The following LIPG variants were observed in gnomAD, a reference collection of about 807,000 sequenced individuals.
LIPG encodes the protein lipase G, endothelial type, also known as endothelial lipase.
LIPG carries 34 observed loss-of-function variants against 51.8 expected under a neutral mutation model. That is an observed-to-expected ratio of 0.66 (90% CI 0.50 to 0.87). LIPG has a LOEUF of 0.87. Ranked by LOEUF, LIPG falls within the 40% of genes least tolerant of loss-of-function variation. The probability of loss-of-function intolerance (pLI) is 0.00; values close to 1 mark genes in which losing one functional copy is unlikely to be tolerated. For synonymous variants in LIPG, 246 were observed against 246.1 expected, an observed-to-expected ratio of 1.00 and a Z score of 0.00; for missense variants, 580 against 652.7, an observed-to-expected ratio of 0.89 and a Z score of 1.21.
intron 5 of LIPG, among the ~76,000 whole-genome samples, chr18:49,576,996 ACT>A (rs2084726133): frequency 6.6e-6 from 1 of 151,350 alleles, no homozygotes; most frequent in South Asian, 2.1e-4. Context: ...GCATGGATAC[ACT>A]CTATTTTATT....
At chr18:49,561,995 C>A (rs781653827), upstream of LIPG, 7 of 1,404,524 alleles carry the variant, frequency 5.0e-6, no homozygotes, top group South Asian at 5.1e-5. Context: ...ATGCAAATCA[C>A]CATCTGGCGA....
rs201383506 is a variant in LIPG at position 49,583,579 on chromosome 18, C to T, written c.1181C>T (p.Ala394Val). Residue 394 changes from alanine (A) to valine (V), a missense_variant, in exon 8 of 10, where the codon GCC (alanine) becomes GTC (valine). Transcript: ENST00000261292. ...AGAGTGGAGCGGATCGAGCAGAATG[C>T]CACCAACACCTTCCTGGTCTACACC... is the stretch of plus-strand genomic sequence containing the variant. ...LEIVERIEQNATNTFLVYTEE... is the reference protein window; with the variant it reads ...LEIVERIEQNVTNTFLVYTEE... The T allele has an allele frequency of 6.2e-7, 1 of 1,614,056 alleles. No individual in the cohort carries two copies. Among genetic ancestry groups the T allele is most frequent in the Non-Finnish European group, 8.5e-7 (1 of 1,179,992 alleles).
Position 49,590,759 on chromosome 18 carries a change from C to G in LIPG, c.*237C>G. 2 of 594,108 alleles carry G rather than the reference C, an allele frequency of 3.4e-6. No individual in the cohort carries two copies. The highest frequency in any genetic ancestry group is 6.0e-6 in the Non-Finnish European group (2 of 332,068). 36.8% of individuals were successfully genotyped at this position (594,108 alleles called of 1,614,324 possible). ...TCTAACTCCAAACCTCTGTCCACAC[C>G]TCCAGAGCACCAAGTCCAGATTTGT... On this transcript the variant is annotated 3_prime_UTR_variant, in exon 10 of 10. Coordinates refer to ENST00000261292, the MANE Select transcript of LIPG (RefSeq NM_006033.4).
chr18:49,567,400 C>T, intron 2 of LIPG, 42 bp from the exon 3 acceptor site: 1 of 1,591,302 alleles, frequency 6.3e-7, no homozygotes, highest in Non-Finnish European at 8.6e-7. Flanking sequence ...TTTAGGATTT[C>T]TGAAACCAAG....
At chr18:49,588,776 G>C (rs567054948) in intron 9 of LIPG, among the ~76,000 whole-genome samples, 2 of 152,116 alleles carry the variant, frequency 1.3e-5, no homozygotes, top group Non-Finnish European at 2.9e-5. Context: ...ACAGCCACAC[G>C]CCCTCTAAGC....
chr18:49,561,661 A>T (rs896829012), upstream of LIPG: 5 of 1,236,208 alleles, frequency 4.0e-6, no homozygotes, highest in Non-Finnish European at 5.0e-6. Context: ...TCCCAGAGAG[A>T]GTGTGGCTTT....
At chr18:49,584,755 T>C (rs886633622) in intron 8 of LIPG, among the ~76,000 whole-genome samples, 4 of 152,238 alleles carry the variant, frequency 2.6e-5, no homozygotes, top group Admixed American at 2.0e-4. Flanking sequence ...GTGTATGTTT[T>C]TACTTCTCTG....
chr18:49,572,104 G>A (rs969279784), intron 4 of LIPG, among the ~76,000 whole-genome samples: 4 of 152,152 alleles, frequency 2.6e-5, no homozygotes, highest in Non-Finnish European at 5.9e-5. Flanking sequence ...TGGATCACCT[G>A]AGGTCAGGAG....
rs2084705826 is a variant in LIPG, at chr18:49,575,448, T to A, written c.651T>A (p.Asp217Glu). 6.2e-7 allele frequency: 1 copy of A among 1,614,202 alleles called. No individual in the cohort carries two copies. The highest frequency in any genetic ancestry group is 8.5e-7 in the Non-Finnish European group (1 of 1,180,034). The change falls in exon 5 of 10, where the codon GAT becomes GAA. Residue 217 changes from aspartate (D) to glutamate (E), a missense_variant. Asp to Glu is a conservative substitution (Grantham distance 45). Coordinates refer to ENST00000261292, the MANE Select transcript of LIPG (RefSeq NM_006033.4). The stretch of plus-strand genomic sequence containing the variant: ...CTCCGGACGATGCAGATTTTGTGGA[T>A]GTCCTCCACACCTACACGCGTTCCT... ...RLSPDDADFV[D>E]VLHTYTRSFG...
chr18:49,570,721 T>C (rs1459347690), intron 4 of LIPG, among the ~76,000 whole-genome samples: 2 of 152,052 alleles, frequency 1.3e-5, no homozygotes, highest in African/African-American at 4.8e-5. Context: ...CCCAGCTACT[T>C]GGGAGGCTGA....
chr18:49,564,865 G>A (rs2084585880), intron 1 of LIPG, among the ~76,000 whole-genome samples: 1 of 152,172 alleles, frequency 6.6e-6, no homozygotes, highest in Non-Finnish European at 1.5e-5. Context: ...GATCCAGGGG[G>A]AATAGCCCAG....
intron 5 of LIPG, among the ~76,000 whole-genome samples, chr18:49,578,598 A>G (rs1165350027): frequency 4.7e-4 from 62 of 133,250 alleles, no homozygotes; most frequent in Middle Eastern, 0.01. Context: ...AGGCGGAGAC[A>G]CTCCTCACTT....
At chr18:49,578,711 AC>A (rs1408601593) in intron 5 of LIPG, among the ~76,000 whole-genome samples, 1 of 150,328 alleles carries the variant, frequency 6.7e-6, no homozygotes, top group Admixed American at 6.6e-5. Flanking sequence ...AGATCACGCC[AC>A]TGCACTCCAG....
intron 5 of LIPG, among the ~76,000 whole-genome samples, chr18:49,579,788 CT>C (rs1225657147): frequency 8.3e-5 from 7 of 84,800 alleles, no homozygotes; most frequent in African/African-American, 2.5e-4. Flanking sequence ...CTTTTCTTTT[CT>C]TTTCTTTTCT....
intron 5 of LIPG, among the ~76,000 whole-genome samples, chr18:49,578,771 G>C (rs989369376): frequency 5.2e-4 from 78 of 151,240 alleles, no homozygotes; most frequent in African/African-American, 1.8e-3. Context: ...CTGCAATCCC[G>C]GCACCTCGGG....
chr18:49,582,233 GC>G, intron 6 of LIPG, 128 bp from the exon 7 acceptor site: 1 of 1,088,918 alleles, frequency 9.2e-7, no homozygotes, highest in Non-Finnish European at 1.4e-6. Flanking sequence ...GCAGATGGGG[GC>G]TGCAGGCTGG....
rs1018395045 is a variant in LIPG at position 49,590,747 on chromosome 18, C to T, written c.*225C>T. 6 of 609,148 alleles carry T rather than the reference C, an allele frequency of 9.8e-6. No individual in the cohort carries two copies. The highest frequency in any genetic ancestry group is 1.8e-5 in the African/African-American group (1 of 54,390). 37.7% of individuals were successfully genotyped at this position (609,148 alleles called of 1,614,324 possible). ...CTCTTGAATAGCTCTAACTCCAAAC[C>T]TCTGTCCACACCTCCAGAGCACCAA... On this transcript the variant is annotated 3_prime_UTR_variant, in exon 10 of 10. Transcript: ENST00000261292.
At position 49,578,063 on chromosome 18, in the gene LIPG, CG is replaced by C. The variant is rs1190332842; in HGVS notation, c.793+2480del. Among the ~76,000 whole-genome samples, 891 of 133,196 alleles carry C rather than the reference CG, an allele frequency of 6.7e-3. 16 individuals carry two copies. The highest frequency in any genetic ancestry group is 0.024 in the African/African-American group (836 of 34,964). The allele number at this position is 133,196 out of a possible 152,430, so 87.4% of individuals were successfully genotyped here. A position where few individuals can be genotyped will look rare whatever the true frequency, so the allele number is the denominator to read the frequency against. On this transcript the variant is annotated intron_variant, in intron 5 of 9. Transcript: ENST00000261292. ...CTCCCGGATGGCACGGCTGGCCGGG[CG>C]GGGGGGCTGGCCCCCCACCTCCCTC...
Position 49,597,771 on chromosome 18 carries a change from G to A in LIPG, c.*7249G>A, listed in dbSNP as rs1174919709. 6.6e-6 allele frequency: 1 copy of A among 152,260 alleles called. No individual in the cohort carries two copies. Among genetic ancestry groups the A allele is most frequent in the Non-Finnish European group, 1.5e-5 (1 of 68,064 alleles). The allele number at this position is 152,260 out of a possible 1,614,324, so 9.4% of individuals were successfully genotyped here. A position where few individuals can be genotyped will look rare whatever the true frequency, so the allele number is the denominator to read the frequency against. ...TTAATACCTTCACCAGAGGCAAATG[G>A]TTTTGGACTCACAAGAATTGCTCAT... On this transcript the variant is annotated 3_prime_UTR_variant, in exon 10 of 10. Transcript: ENST00000261292.
Sources: gnomAD v4.1 joint callset for allele counts (sites outside exome capture counted in the v4.1 genomes callset) on GRCh38, gnomAD v4.1.1 for gene constraint, MANE v1.5 for transcripts, NCBI Gene and HGNC (gene_info 2026-07-23, HGNC 2026-07-21) for gene names.